SPATS2: variants seen among roughly 807,000 people sequenced by gnomAD.
The protein encoded by SPATS2 is spermatogenesis-associated serine-rich protein 2.
SPATS2 carries 38 observed loss-of-function variants against 63.7 expected under a neutral mutation model. That is an observed-to-expected ratio of 0.60 (90% confidence interval 0.46 to 0.78). The LOEUF (loss-of-function observed/expected upper bound fraction) is 0.78. Ranked by LOEUF, SPATS2 falls within the 30% of genes least tolerant of loss-of-function variation. The pLI, the probability that SPATS2 is intolerant of heterozygous loss-of-function variation, is 0.00. For synonymous variants in SPATS2, 207 were observed against 232.9 expected (o/e 0.89, Z 1.01); for missense variants, 588 against 666.2 (o/e 0.88, Z 1.29).
rs563639205 is a variant in SPATS2, at chr12:49,401,532, G to C, written c.-244+30242G>C. On this transcript the variant is annotated intron_variant, in intron 2 of 13. Coordinates refer to ENST00000552918, the MANE Select transcript of SPATS2 (RefSeq NM_023071.4). Reference sequence around the variant, plus strand: ...TTCTACTTTTCCATATTATTTTGAAGCAATCCCAAACATCATATTTTGTGC... The same window carrying C: ...TTCTACTTTTCCATATTATTTTGAACCAATCCCAAACATCATATTTTGTGC... Among the ~76,000 whole-genome samples the C allele has an allele frequency of 3.9e-5, 6 of 152,126 alleles. No individual in the cohort carries two copies. In the East Asian group the frequency reaches 1.2e-3, roughly 29 times the overall value.
chr12:49,434,661 A>T lies in SPATS2; in HGVS notation c.-243-26109A>T, dbSNP rs144178937. ...TATACCTTGAGAGTCATTGAGCTGTACCCTCTGGTTCAGGAGTCATAGTAC... is the reference window on the plus strand; with the variant it reads ...TATACCTTGAGAGTCATTGAGCTGTTCCCTCTGGTTCAGGAGTCATAGTAC... On this transcript the variant is annotated intron_variant, in intron 2 of 13. Transcript: ENST00000552918. 8.7e-4 allele frequency among the ~76,000 whole-genome samples: 132 copies of T among 152,276 alleles called. 1 individual carries two copies. The highest frequency in any genetic ancestry group is 2.9e-3 in the African/African-American group (120 of 41,550).
intron 2 of SPATS2, among the ~76,000 whole-genome samples, chr12:49,383,825 A>G (rs1944264937): frequency 6.6e-6 from 1 of 152,286 alleles, no homozygotes; most frequent in African/African-American, 2.4e-5. Flanking sequence ...ACTTTTTTAT[A>G]TGGTTCTTGT....
At chr12:49,430,782 C>T (rs1463880873) in intron 2 of SPATS2, among the ~76,000 whole-genome samples, 1 of 151,432 alleles carries the variant, frequency 6.6e-6, no homozygotes, top group East Asian at 1.9e-4. Context: ...CTCATTTTAG[C>T]CTCCACCTCC....
At chr12:49,475,851 G>A (rs1810180179) in intron 3 of SPATS2, among the ~76,000 whole-genome samples, 1 of 152,174 alleles carries the variant, frequency 6.6e-6, no homozygotes, top group Non-Finnish European at 1.5e-5. Context: ...AATGAGAGAT[G>A]TCCTGGAGAC....
At chr12:49,512,993 A>C in intron 9 of SPATS2, 4 of 1,131,762 alleles carry the variant, frequency 3.5e-6, no homozygotes, top group Non-Finnish European at 4.7e-6. Flanking sequence ...TTAATATGTC[A>C]ACCAAATTTG....
At chr12:49,448,674 TG>T (rs1945560463) in intron 2 of SPATS2, among the ~76,000 whole-genome samples, 1 of 142,370 alleles carries the variant, frequency 7.0e-6, no homozygotes, top group Non-Finnish European at 1.5e-5. Flanking sequence ...ATGATTGTGC[TG>T]CCGCACTCCA....
chr12:49,401,266 C>T (rs1317683457), intron 2 of SPATS2, among the ~76,000 whole-genome samples: 1 of 152,182 alleles, frequency 6.6e-6, no homozygotes, highest in Non-Finnish European at 1.5e-5. Flanking sequence ...CTGCCTCTGC[C>T]TCCCAAAGTG....
intron 2 of SPATS2, among the ~76,000 whole-genome samples, chr12:49,386,794 A>T (rs1405265428): frequency 1.3e-5 from 2 of 152,164 alleles, no homozygotes; most frequent in Non-Finnish European, 2.9e-5. Context: ...AACCATGAAG[A>T]TAGTGGGTTA....
intron 2 of SPATS2, among the ~76,000 whole-genome samples, chr12:49,371,748 G>T (rs1340287816): frequency 6.6e-6 from 1 of 152,140 alleles, no homozygotes; most frequent in Non-Finnish European, 1.5e-5. Flanking sequence ...GAGGAAGAGA[G>T]AGAGGTGGGG....
chr12:49,461,269 G>C (rs1435002289), intron 3 of SPATS2: 6 of 512,658 alleles, frequency 1.2e-5, no homozygotes, highest in Non-Finnish European at 2.1e-5. Context: ...TCTTGAAGAT[G>C]CATTTTTGAA....
chr12:49,492,941 C>CA (rs1469840528), intron 6 of SPATS2, among the ~76,000 whole-genome samples: 2 of 151,374 alleles, frequency 1.3e-5, no homozygotes, highest in Non-Finnish European at 2.9e-5. Flanking sequence ...ACTAAAAATA[C>CA]AAAAAAATTA....
At chr12:49,470,746 A>G (rs1480607247) in intron 3 of SPATS2, among the ~76,000 whole-genome samples, 1 of 151,902 alleles carries the variant, frequency 6.6e-6, no homozygotes, top group Non-Finnish European at 1.5e-5. Context: ...TTAGTTGTGT[A>G]TGATCTTCTT....
At chr12:49,503,620 T>C (rs57708568) in intron 9 of SPATS2, among the ~76,000 whole-genome samples, 43 of 146,584 alleles carry the variant, frequency 2.9e-4, no homozygotes, top group Non-Finnish European at 5.7e-4. Flanking sequence ...CTGCACTCCA[T>C]CCTGGGCGAC....
intron 9 of SPATS2, among the ~76,000 whole-genome samples, chr12:49,507,246 G>A (rs1019355139): frequency 2.0e-5 from 3 of 152,146 alleles, no homozygotes; most frequent in African/African-American, 7.2e-5. Context: ...GCCACTGTGG[G>A]GTGGGGTTAA....
chr12:49,519,155 A>G lies in SPATS2; in HGVS notation c.981A>G (p.Gln327=), dbSNP rs751933410. The change falls in exon 11 of 14, where the codon CAA becomes CAG. Residue 327 remains glutamine, a synonymous_variant. Transcript: ENST00000552918. ...THVAVQMSEQ[Q]LVELRADIKH... ...TGGCTGTTCAAATGTCAGAGCAGCA[A>G]TTGGTTGAGCTCAGAGCTGATATCA... 18 of 1,613,946 alleles carry G rather than the reference A, an allele frequency of 1.1e-5. No individual in the cohort carries two copies. In the East Asian group the frequency reaches 2.2e-4, roughly 20 times the overall value.
At chr12:49,497,148 C>G in intron 8 of SPATS2, 139 bp downstream of exon 8, 1 of 798,666 alleles carries the variant, frequency 1.3e-6, no homozygotes, top group South Asian at 1.9e-5. Flanking sequence ...CAGTGACTGA[C>G]TACTCAGCCC....
chr12:49,452,401 T>C lies in SPATS2; in HGVS notation c.-243-8369T>C, dbSNP rs571890175. 2.0e-5 allele frequency among the ~76,000 whole-genome samples: 3 copies of C among 152,340 alleles called. No homozygotes were observed. In the East Asian group the frequency reaches 5.8e-4, roughly 29 times the overall value. ...CTCAAGCCATCCTCCTACCTTAGCCTCCCAAGTAGCTGGGGCTACAGGCAT... is the reference window on the plus strand; with the variant it reads ...CTCAAGCCATCCTCCTACCTTAGCCCCCCAAGTAGCTGGGGCTACAGGCAT... On this transcript the variant is annotated intron_variant, in intron 2 of 13. Coordinates refer to ENST00000552918, the MANE Select transcript of SPATS2 (RefSeq NM_023071.4).
intron 3 of SPATS2, among the ~76,000 whole-genome samples, chr12:49,473,908 C>T (rs1166308612): frequency 2.0e-5 from 3 of 152,066 alleles, no homozygotes; most frequent in Admixed American, 6.6e-5. Context: ...TGTATTAGTC[C>T]GTTTTCCTGC....
intron 2 of SPATS2, among the ~76,000 whole-genome samples, chr12:49,445,032 C>T (rs1945487420): frequency 6.6e-6 from 1 of 152,154 alleles, no homozygotes; most frequent in South Asian, 2.1e-4. Flanking sequence ...GTATATGGGT[C>T]ATATTATCTT....
Sources: allele counts gnomAD v4.1 joint callset (sites outside exome capture counted in the v4.1 genomes callset), GRCh38; gene constraint gnomAD v4.1.1; transcripts MANE v1.5; gene names NCBI Gene and HGNC (gene_info 2026-07-23, HGNC 2026-07-21).